THSD7B: variants seen among roughly 807,000 people sequenced by gnomAD.
THSD7B encodes the protein thrombospondin type 1 domain containing 7B.
A neutral mutation model predicts 213.6 loss-of-function variants in THSD7B; 138 were observed. The ratio of observed to expected loss-of-function variants is 0.65; its 90% CI spans 0.56 to 0.74. The LOEUF (loss-of-function observed/expected upper bound fraction) is 0.74. Ranked by LOEUF, THSD7B falls within the 30% of genes least tolerant of loss-of-function variation. THSD7B has a pLI of 0.00. For synonymous variants in THSD7B, 742 were observed against 687.0 expected, an observed-to-expected ratio of 1.08 and a Z score of -1.25; for missense variants, 1,931 against 1,991.5, an observed-to-expected ratio of 0.97 and a Z score of 0.58.
intron 15 of THSD7B, among the ~76,000 whole-genome samples, chr2:137,459,862 A>G (rs1687849876): frequency 6.6e-6 from 1 of 152,046 alleles, no homozygotes; most frequent in Non-Finnish European, 1.5e-5. Context: ...GTACACTTAG[A>G]GTGGATTAAG....
At chr2:137,487,188 G>A (rs1688471399) in intron 15 of THSD7B, among the ~76,000 whole-genome samples, 1 of 148,320 alleles carries the variant, frequency 6.7e-6, no homozygotes, top group Non-Finnish European at 1.5e-5. Flanking sequence ...CTAACAAGGT[G>A]AAACCCCGTC....
intron 15 of THSD7B, among the ~76,000 whole-genome samples, chr2:137,520,992 A>T (rs1450424794): frequency 6.6e-6 from 1 of 152,186 alleles, no homozygotes; most frequent in Non-Finnish European, 1.5e-5. Context: ...GGAAAATATA[A>T]GGCTTCCTAA....
At position 137,272,621 on chromosome 2, in the gene THSD7B, G is replaced by A; in HGVS notation, c.2355G>A (p.Glu785=). 6.2e-7 allele frequency: 1 copy of A among 1,612,194 alleles called. No individual in the cohort carries two copies. Among genetic ancestry groups the A allele is most frequent in the South Asian group, 1.1e-5 (1 of 90,926 alleles). ...AGGAATGCCCAGATACCTTATATGA[G>A]GAGAGAGAGTGTGAAGATGTTTCCT... ...GGQECPDTLY[E]ERECEDVSLC... The change falls in exon 11 of 28, where the codon GAG becomes GAA. Residue 785 remains glutamate, a synonymous_variant. Transcript: ENST00000409968.
chr2:137,062,527 G>T (rs1046096135), intron 3 of THSD7B, among the ~76,000 whole-genome samples: 1 of 151,580 alleles, frequency 6.6e-6, no homozygotes, highest in African/African-American at 2.4e-5. Context: ...TTATTTTCAT[G>T]TAGTTCTAAA....
At chr2:137,538,595 CT>C (rs563737341) in intron 15 of THSD7B, 1 of 472,900 alleles carries the variant, frequency 2.1e-6, no homozygotes, top group Non-Finnish European at 4.1e-6. Flanking sequence ...TTTGTAAATT[CT>C]GATCAAAACA....
intron 5 of THSD7B, among the ~76,000 whole-genome samples, chr2:137,123,948 T>A (rs1688588446): frequency 6.6e-6 from 1 of 152,158 alleles, no homozygotes. Flanking sequence ...AAAAGGTAGA[T>A]AAGAACTCAG....
chr2:136,818,704 C>T (rs1047841157), intron 1 of THSD7B, among the ~76,000 whole-genome samples: 1 of 152,068 alleles, frequency 6.6e-6, no homozygotes, highest in Non-Finnish European at 1.5e-5. Context: ...GTTCTTCAGC[C>T]TCTATGTGAA....
intron 16 of THSD7B, among the ~76,000 whole-genome samples, chr2:137,569,937 C>T (rs910544001): frequency 1.3e-5 from 2 of 151,754 alleles, no homozygotes; most frequent in African/African-American, 4.8e-5. Flanking sequence ...TCTTCTTTTT[C>T]AGTGAAATAA....
chr2:137,191,530 C>A (rs1680659536), intron 7 of THSD7B, among the ~76,000 whole-genome samples: 1 of 151,904 alleles, frequency 6.6e-6, no homozygotes, highest in South Asian at 2.1e-4. Context: ...TACCAGATGT[C>A]TGGGTTTTAG....
At chr2:136,788,672 T>C (rs935078308) in intron 1 of THSD7B, among the ~76,000 whole-genome samples, 1 of 152,184 alleles carries the variant, frequency 6.6e-6, no homozygotes, top group African/African-American at 2.4e-5. Context: ...TAAATACTCC[T>C]GCTGAAGTGT....
At chr2:136,865,195 A>G (rs1652438) in intron 1 of THSD7B, among the ~76,000 whole-genome samples, 61,119 of 151,948 alleles carry the variant, frequency 0.4, 12,960 homozygotes, top group Middle Eastern at 0.65. Flanking sequence ...GCATGTCCAG[A>G]GAAAGGGGCC....
intron 1 of THSD7B, among the ~76,000 whole-genome samples, chr2:136,850,645 T>C (rs919362524): frequency 6.6e-6 from 1 of 152,016 alleles, no homozygotes; most frequent in African/African-American, 2.4e-5. Context: ...TAATTACTAA[T>C]GATATGGGAC....
rs1553467939 is a variant in THSD7B at position 137,062,300 on chromosome 2, A to ATTTTTGTCTATTGAT, written c.950+5075_950+5076insGTCTATTGATTTTTT. On this transcript the variant is annotated intron_variant, in intron 3 of 27. Transcript: ENST00000409968. The stretch of plus-strand genomic sequence containing the variant: ...TAAAAACCAGCTTTTGGTTTTGTTG[A>ATTTTTGTCTATTGAT]TTTTTTTCTATTGATTTTTTTTCTA... 1.7e-3 allele frequency among the ~76,000 whole-genome samples: 252 copies of ATTTTTGTCTATTGAT among 150,544 alleles called. 4 individuals are homozygous for ATTTTTGTCTATTGAT. Among genetic ancestry groups the ATTTTTGTCTATTGAT allele is most frequent in the East Asian group, 0.015 (78 of 5,096 alleles).
At chr2:137,208,755 G>T (rs1321652058) in intron 7 of THSD7B, among the ~76,000 whole-genome samples, 1 of 152,014 alleles carries the variant, frequency 6.6e-6, no homozygotes, top group Non-Finnish European at 1.5e-5. Flanking sequence ...CAGCCCCTGG[G>T]TAGAGGACAC....
At chr2:137,671,119 T>A (rs1032905714) in intron 27 of THSD7B, among the ~76,000 whole-genome samples, 11 of 151,974 alleles carry the variant, frequency 7.2e-5, no homozygotes, top group African/African-American at 2.7e-4. Flanking sequence ...ATACAGCACT[T>A]CTTTGGATCT....
intron 27 of THSD7B, among the ~76,000 whole-genome samples, chr2:137,671,771 C>T (rs34487838): frequency 0.022 from 3,376 of 152,206 alleles, 39 homozygotes; most frequent in Middle Eastern, 0.048. Flanking sequence ...AAAGCCTAAC[C>T]GTATCAGGCA....
chr2:137,232,825 C>A, intron 8 of THSD7B, 74 bp from the exon 9 acceptor site: 2 of 1,390,160 alleles, frequency 1.4e-6, no homozygotes, highest in Non-Finnish European at 2.0e-6. Flanking sequence ...CTCTCTAGAC[C>A]ATTAAAGCAG....
intron 2 of THSD7B, among the ~76,000 whole-genome samples, chr2:136,921,960 T>G (rs950680927): frequency 6.6e-6 from 1 of 152,216 alleles, no homozygotes; most frequent in Admixed American, 6.5e-5. Flanking sequence ...TCAGTGCTTT[T>G]AGTGTTAATT....
chr2:137,231,445 A>G (rs1193462494), intron 8 of THSD7B, among the ~76,000 whole-genome samples: 1 of 152,132 alleles, frequency 6.6e-6, no homozygotes, highest in East Asian at 1.9e-4. Context: ...ATTTACATGA[A>G]TTGCTTTACC....
Sources: gnomAD v4.1 joint callset for allele counts (sites outside exome capture counted in the v4.1 genomes callset) on GRCh38, gnomAD v4.1.1 for gene constraint, MANE v1.5 for transcripts, NCBI Gene and HGNC (gene_info 2026-07-23, HGNC 2026-07-21) for gene names.